ABAT: variants seen among roughly 807,000 people sequenced by gnomAD.
The protein encoded by ABAT is 4-aminobutyrate aminotransferase, mitochondrial.
Under a neutral mutation model 64.6 loss-of-function variants are expected in ABAT, and 45 were observed. That is an observed-to-expected ratio of 0.70 (90% CI 0.55 to 0.89). The LOEUF is 0.89. ABAT is among the 40% of genes least tolerant of loss of function. The pLI, the probability that ABAT is intolerant of heterozygous loss-of-function variation, is 0.00. For missense variants in ABAT, 633 were observed against 658.4 expected, an observed-to-expected ratio of 0.96 and a Z score of 0.42; for synonymous variants, 297 against 250.5, an observed-to-expected ratio of 1.19 and a Z score of -1.75.
At chr16:8,775,970 A>C (rs938011913) in intron 13 of ABAT, among the ~76,000 whole-genome samples, 3 of 152,186 alleles carry the variant, frequency 2.0e-5, no homozygotes, top group Admixed American at 6.5e-5. Flanking sequence ...TGCCTTAGAC[A>C]AATCACTTAG....
At chr16:8,774,512 G>A (rs2060209547) in intron 12 of ABAT, among the ~76,000 whole-genome samples, 1 of 152,048 alleles carries the variant, frequency 6.6e-6, no homozygotes, top group Non-Finnish European at 1.5e-5. Context: ...GCAGAACATG[G>A]CAGCTGAAGT....
intron 2 of ABAT, among the ~76,000 whole-genome samples, chr16:8,745,258 C>T (rs75953405): frequency 0.042 from 6,317 of 152,188 alleles, 184 homozygotes; most frequent in Middle Eastern, 0.13. Context: ...CTGGGATTAC[C>T]GGAATGAGCG....
intron 1 of ABAT, among the ~76,000 whole-genome samples, chr16:8,725,052 G>A (rs1596422947): frequency 2.0e-5 from 3 of 152,086 alleles, no homozygotes; most frequent in Admixed American, 6.5e-5. Context: ...AAGTAGCTGG[G>A]ATTACAGGCG....
At chr16:8,684,894 T>C (rs78907828) in intron 1 of ABAT, among the ~76,000 whole-genome samples, 1 of 152,112 alleles carries the variant, frequency 6.6e-6, no homozygotes, top group Non-Finnish European at 1.5e-5. Flanking sequence ...GAGGTCTAAA[T>C]AGATTCAAAA....
At chr16:8,686,257 A>G (rs1747414912) in intron 1 of ABAT, among the ~76,000 whole-genome samples, 1 of 152,212 alleles carries the variant, frequency 6.6e-6, no homozygotes, top group Non-Finnish European at 1.5e-5. Flanking sequence ...TGTGCAAATG[A>G]ATGCCTGCAT....
chr16:8,701,980 C>T (rs919251694), intron 1 of ABAT, among the ~76,000 whole-genome samples: 2 of 151,850 alleles, frequency 1.3e-5, no homozygotes, highest in African/African-American at 4.8e-5. Flanking sequence ...TAGGGGGGTC[C>T]TGCAGGCCTC....
At chr16:8,768,015 A>G (rs2142968648) in intron 9 of ABAT, among the ~76,000 whole-genome samples, 178 bp from the exon 10 acceptor site, 1 of 152,168 alleles carries the variant, frequency 6.6e-6, no homozygotes, top group East Asian at 1.9e-4. Flanking sequence ...GTAAGTATGT[A>G]TGCAAATAAA....
rs778086717 is a variant in ABAT at position 8,722,840 on chromosome 16, G to A, written c.-41-12859G>A. ...AAGAGGGATATACTAATGCAACTTC[G>A]AGGTAGGAGCAAGGCTTGGGGAAAA... On this transcript the variant is annotated intron_variant, in intron 1 of 15. Transcript: ENST00000268251. 3.2e-4 allele frequency: 415 copies of A among 1,288,970 alleles called. 1 individual carries two copies. The highest frequency in any genetic ancestry group is 3.8e-4 in the Non-Finnish European group (372 of 988,676). The allele number at this position is 1,288,970 out of a possible 1,614,324, so 79.8% of individuals were successfully genotyped here.
intron 1 of ABAT, among the ~76,000 whole-genome samples, chr16:8,694,869 A>T (rs1043130169): frequency 6.6e-6 from 1 of 152,166 alleles, no homozygotes; most frequent in African/African-American, 2.4e-5. Context: ...GGGAGAAGGA[A>T]GGCAGGCCGC....
At chr16:8,769,557 CAA>C (rs35002036) in intron 11 of ABAT, among the ~76,000 whole-genome samples, 15,277 of 85,242 alleles carry the variant, frequency 0.18, 884 homozygotes, top group African/African-American at 0.28. Context: ...AGACTCTGTC[CAA>C]AAAAAAAAAA....
At position 8,738,615 on chromosome 16, in the gene ABAT, TG is replaced by T. The variant is rs1265530500; in HGVS notation, c.70+2807del. ...CTTTTTTCTTTTTTGTTTTTGTTTT[TG>T]TTTTTGTTTTTGTTTTTTTTTTGGT... On this transcript the variant is annotated intron_variant, in intron 2 of 15. Coordinates refer to ENST00000268251, the MANE Select transcript of ABAT (RefSeq NM_020686.6). Among the ~76,000 whole-genome samples, 185 of 133,530 alleles carry T rather than the reference TG, an allele frequency of 1.4e-3. 1 individual carries two copies. The highest frequency in any genetic ancestry group is 5.2e-3 in the African/African-American group (152 of 29,474). 87.6% of individuals were successfully genotyped at this position (133,530 alleles called of 152,430 possible).
At chr16:8,778,391 G>A (rs1238134098) in intron 14 of ABAT, among the ~76,000 whole-genome samples, 9 of 152,206 alleles carry the variant, frequency 5.9e-5, no homozygotes, top group Middle Eastern at 3.4e-3. Flanking sequence ...GTTCCTTGAC[G>A]TGTGGAGGCT....
intron 1 of ABAT, among the ~76,000 whole-genome samples, chr16:8,725,338 C>G (rs994986356): frequency 3.9e-5 from 6 of 152,104 alleles, no homozygotes; most frequent in African/African-American, 7.2e-5. Context: ...TTTTCATCAC[C>G]CCGGAGACCC....
At chr16:8,685,226 C>T (rs1427821600) in intron 1 of ABAT, among the ~76,000 whole-genome samples, 1 of 152,036 alleles carries the variant, frequency 6.6e-6, no homozygotes, top group Non-Finnish European at 1.5e-5. Context: ...GGGGAGGTTG[C>T]AGTGAGCCAG....
At chr16:8,745,078 G>A (rs983492511) in intron 2 of ABAT, among the ~76,000 whole-genome samples, 1 of 152,012 alleles carries the variant, frequency 6.6e-6, no homozygotes, top group African/African-American at 2.4e-5. Context: ...AACCTCTCAG[G>A]CTGAAGCAAT....
In ABAT at chr16:8,747,799, T is replaced by A. The variant is rs373207006; in HGVS notation, c.169-309T>A. On this transcript the variant is annotated intron_variant, in intron 3 of 15. Coordinates refer to ENST00000268251, the MANE Select transcript of ABAT (RefSeq NM_020686.6). ...CTTTTTTCCCCTAAATAACAGAGAA[T>A]CTGTTTTTATGGACACTAGATAAAC... Among the ~76,000 whole-genome samples, 369 of 152,314 alleles carry A rather than the reference T, an allele frequency of 2.4e-3. 2 individuals carry two copies. Among genetic ancestry groups the A allele is most frequent in the African/African-American group, 8.5e-3 (352 of 41,578 alleles).
chr16:8,675,426 C>T (rs1021302600), intron 1 of ABAT, among the ~76,000 whole-genome samples: 1 of 152,044 alleles, frequency 6.6e-6, no homozygotes, highest in Non-Finnish European at 1.5e-5. Flanking sequence ...GCCACCCCTC[C>T]AAGTCATCCA....
chr16:8,707,355 T>TTTTTTTTTTC (rs2057971333), intron 1 of ABAT, among the ~76,000 whole-genome samples: 1 of 145,382 alleles, frequency 6.9e-6, no homozygotes, highest in Admixed American at 6.8e-5. Context: ...CCAGGGTAAT[T>TTTTTTTTTTC]TTTTTTTTTT....
At chr16:8,761,695 T>G (rs1332426584) in intron 6 of ABAT, among the ~76,000 whole-genome samples, 1 of 152,192 alleles carries the variant, frequency 6.6e-6, no homozygotes, top group African/African-American at 2.4e-5. Flanking sequence ...CCCAGGGCAG[T>G]AGGCCGGGGC....
Sources: allele counts gnomAD v4.1 joint callset (sites outside exome capture counted in the v4.1 genomes callset), GRCh38; gene constraint gnomAD v4.1.1; transcripts MANE v1.5; gene names NCBI Gene and HGNC (gene_info 2026-07-23, HGNC 2026-07-21).